The following NUBPL variants were observed in gnomAD, a reference collection of about 807,000 sequenced individuals.
NUBPL encodes NUBP iron-sulfur cluster assembly factor, mitochondrial.
In NUBPL, 31 loss-of-function variants were observed where a neutral mutation model predicts 45.7. That is an observed-to-expected ratio of 0.68 (90% confidence interval 0.51 to 0.92). The LOEUF (loss-of-function observed/expected upper bound fraction) is 0.92, where lower values mean the gene tolerates loss of function less well. Among genes scored for constraint, NUBPL ranks in the 40% least tolerant of loss-of-function variants. NUBPL has a pLI of 0.00. For missense variants in NUBPL, 401 were observed against 398.7 expected (o/e 1.01, Z -0.05); for synonymous variants, 144 against 140.9 (o/e 1.02, Z -0.15).
At chr14:31,610,964 G>T (rs1284579215) in intron 4 of NUBPL, among the ~76,000 whole-genome samples, 1 of 152,140 alleles carries the variant, frequency 6.6e-6, no homozygotes, top group Non-Finnish European at 1.5e-5. Context: ...CAGACCCTCA[G>T]CTAGCATCAT....
chr14:31,625,298 A>T (rs2035175446), intron 4 of NUBPL, among the ~76,000 whole-genome samples: 1 of 152,148 alleles, frequency 6.6e-6, no homozygotes, highest in Non-Finnish European at 1.5e-5. Flanking sequence ...TCAGTTTATG[A>T]AACTGTTATG....
intron 6 of NUBPL, among the ~76,000 whole-genome samples, chr14:31,741,236 T>G (rs953351331): frequency 7.9e-5 from 12 of 152,178 alleles, no homozygotes; most frequent in Non-Finnish European, 1.8e-4. Flanking sequence ...TAGTAAGGTA[T>G]GGGCAAGTGC....
chr14:31,765,647 T>C (rs55730014), intron 6 of NUBPL, among the ~76,000 whole-genome samples: 34,429 of 146,186 alleles, frequency 0.24, 4,853 homozygotes, highest in East Asian at 0.4. Flanking sequence ...TTTTTTTTTT[T>C]GCCTTAAAAC....
rs561083328 is a variant in NUBPL, at chr14:31,566,480, C to G, written c.291+1432C>G. ...AAAAAATTTTTTTTCAACTTGCTTCCTTTTATGGGGGACCTACTTTCATGT... is the reference window on the plus strand; with the variant it reads ...AAAAAATTTTTTTTCAACTTGCTTCGTTTTATGGGGGACCTACTTTCATGT... On this transcript the variant is annotated intron_variant, in intron 3 of 10. Coordinates refer to ENST00000281081, the MANE Select transcript of NUBPL (RefSeq NM_025152.3). Among the ~76,000 whole-genome samples the G allele has an allele frequency of 3.3e-5, 5 of 152,032 alleles. No homozygotes were observed. The South Asian group carries it at 1.0e-3, about 32-fold the overall frequency.
chr14:31,687,574 C>T (rs2036983328), intron 6 of NUBPL, among the ~76,000 whole-genome samples: 1 of 152,204 alleles, frequency 6.6e-6, no homozygotes, highest in South Asian at 2.1e-4. Flanking sequence ...TAGCTACCTC[C>T]TGTTGCTATT....
At chr14:31,750,179 T>TTA (rs201286474) in intron 6 of NUBPL, among the ~76,000 whole-genome samples, 43 of 15,832 alleles carry the variant, frequency 2.7e-3, no homozygotes, top group Middle Eastern at 0.036. Context: ...ATTATTATTA[T>TTA]TTTTTTTTTT....
intron 4 of NUBPL, among the ~76,000 whole-genome samples, chr14:31,661,168 G>A (rs1454579920): frequency 1.3e-5 from 2 of 152,238 alleles, no homozygotes; most frequent in African/African-American, 2.4e-5. Flanking sequence ...GAAGGATGCA[G>A]CATTGTGGCA....
At chr14:31,690,607 A>G (rs573657210) in intron 6 of NUBPL, among the ~76,000 whole-genome samples, 2 of 152,318 alleles carry the variant, frequency 1.3e-5, no homozygotes, top group East Asian at 3.9e-4. Context: ...TAGAGAAAAA[A>G]TCATGAAAAA....
At chr14:31,715,412 C>T (rs1332403535) in intron 6 of NUBPL, among the ~76,000 whole-genome samples, 1 of 152,182 alleles carries the variant, frequency 6.6e-6, no homozygotes, top group African/African-American at 2.4e-5. Context: ...GCAATTTTGT[C>T]ATTGTGCGAA....
At chr14:31,703,783 C>T (rs1422391746) in intron 6 of NUBPL, among the ~76,000 whole-genome samples, 3 of 152,236 alleles carry the variant, frequency 2.0e-5, no homozygotes, top group Admixed American at 6.5e-5. Context: ...TATCAATTTG[C>T]ATGCCTGGGC....
At chr14:31,613,409 GT>G (rs2034813495) in intron 4 of NUBPL, among the ~76,000 whole-genome samples, 1 of 152,004 alleles carries the variant, frequency 6.6e-6, no homozygotes, top group Non-Finnish European at 1.5e-5. Context: ...ACTGTAGTCC[GT>G]AATAACTTAT....
chr14:31,618,223 C>T (rs1196271011), intron 4 of NUBPL, among the ~76,000 whole-genome samples: 1 of 151,908 alleles, frequency 6.6e-6, no homozygotes, highest in Non-Finnish European at 1.5e-5. Flanking sequence ...TTCAAAATAC[C>T]AGCTCCTGGA....
chr14:31,706,044 A>C (rs1005487992), intron 6 of NUBPL, among the ~76,000 whole-genome samples: 1 of 152,166 alleles, frequency 6.6e-6, no homozygotes, highest in African/African-American at 2.4e-5. Context: ...AGGGGCCCCC[A>C]TAGCGCATCG....
intron 2 of NUBPL, among the ~76,000 whole-genome samples, chr14:31,563,540 G>C (rs1280369320): frequency 1.3e-5 from 2 of 152,094 alleles, no homozygotes; most frequent in Non-Finnish European, 2.9e-5. Context: ...ACAGCTCTGT[G>C]AGCATATCTA....
At chr14:31,800,625 G>A (rs7141722) in intron 7 of NUBPL, among the ~76,000 whole-genome samples, 19,923 of 152,092 alleles carry the variant, frequency 0.13, 3,534 homozygotes, top group African/African-American at 0.41. Flanking sequence ...GTAAAGTGAA[G>A]TGCAATAAAA....
chr14:31,571,005 C>G (rs149104327), intron 3 of NUBPL, among the ~76,000 whole-genome samples: 52 of 152,356 alleles, frequency 3.4e-4, no homozygotes, highest in African/African-American at 1.2e-3. Flanking sequence ...TGCCATCTGG[C>G]TTCAATCTAC....
intron 6 of NUBPL, among the ~76,000 whole-genome samples, chr14:31,742,798 G>A (rs1224251692): frequency 6.6e-6 from 1 of 150,960 alleles, no homozygotes; most frequent in Admixed American, 6.6e-5. Context: ...GTAGAGGTGG[G>A]GTTTCACCAT....
chr14:31,606,913 G>A (rs1486306369), intron 4 of NUBPL, among the ~76,000 whole-genome samples: 3 of 152,166 alleles, frequency 2.0e-5, no homozygotes, highest in Admixed American at 2.0e-4. Flanking sequence ...TTTATTTGTT[G>A]TTCTGGCTGT....
At chr14:31,566,962 T>C (rs572947320) in intron 3 of NUBPL, among the ~76,000 whole-genome samples, 3 of 152,282 alleles carry the variant, frequency 2.0e-5, no homozygotes, top group East Asian at 3.9e-4. Context: ...TTTTAGCTCA[T>C]TGAGATCTCT....
Sources: allele counts gnomAD v4.1 joint callset (sites outside exome capture counted in the v4.1 genomes callset), GRCh38; gene constraint gnomAD v4.1.1; transcripts MANE v1.5; gene names NCBI Gene and HGNC (gene_info 2026-07-23, HGNC 2026-07-21).